SCGB2B2: variants seen among roughly 807,000 people sequenced by gnomAD.
The protein encoded by SCGB2B2 is secretoglobin family 2B member 2, also known as secretoglobin-like protein.
In SCGB2B2, 11 loss-of-function variants were observed where a neutral mutation model predicts 7.6. The ratio of observed to expected loss-of-function variants is 1.45; its 90% CI spans 0.91 to 2.40. The LOEUF is 2.40. Ranked by LOEUF, SCGB2B2 falls within the 30% of genes most tolerant of loss-of-function variation. The pLI, the probability that SCGB2B2 is intolerant of heterozygous loss-of-function variation, is 0.00. For synonymous variants in SCGB2B2, 50 were observed against 48.6 expected (o/e 1.03, Z -0.12); for missense variants, 104 against 115.4 (o/e 0.90, Z 0.45).
At chr19:34,586,026 G>A (rs905487694), downstream of SCGB2B2, among the ~76,000 whole-genome samples, 2 of 152,032 alleles carry the variant, frequency 1.3e-5, no homozygotes, top group African/African-American at 4.8e-5. Flanking sequence ...TATAATTTTT[G>A]TTTATGTCTA....
intron 1 of SCGB2B2, among the ~76,000 whole-genome samples, chr19:34,613,976 T>C (rs577458799): frequency 6.6e-6 from 1 of 152,234 alleles, no homozygotes; most frequent in Non-Finnish European, 1.5e-5. Context: ...AAAGTTTCTG[T>C]GAAGAAAATT....
intron 1 of SCGB2B2, among the ~76,000 whole-genome samples, chr19:34,666,435 C>T (rs762119192): frequency 1.3e-5 from 2 of 152,198 alleles, no homozygotes; most frequent in Non-Finnish European, 2.9e-5. Flanking sequence ...TACAATGTGA[C>T]AGGCCACTGG....
At chr19:34,628,634 C>T (rs1285408246) in intron 1 of SCGB2B2, among the ~76,000 whole-genome samples, 1 of 151,840 alleles carries the variant, frequency 6.6e-6, no homozygotes, top group East Asian at 1.9e-4. Flanking sequence ...AATAGCCTAC[C>T]AACCAAAAAA....
chr19:34,613,457 G>A (rs1444587995), intron 1 of SCGB2B2, among the ~76,000 whole-genome samples: 1 of 152,132 alleles, frequency 6.6e-6, no homozygotes, highest in East Asian at 1.9e-4. Context: ...TTTCTTGTAA[G>A]CAGCATATTT....
rs2065276620 is a variant in SCGB2B2, at chr19:34,590,661, G to T, written c.*2894C>A. On this transcript the variant is annotated 3_prime_UTR_variant, in exon 4 of 4. Coordinates refer to ENST00000601241, the MANE Select transcript of SCGB2B2 (RefSeq NM_001025591.4). Reference sequence around the variant, plus strand: ...ATTCAATATTCTATGAAACATACAAGTAGGGAATATAATTCCTTATACCAA... The same window carrying T: ...ATTCAATATTCTATGAAACATACAATTAGGGAATATAATTCCTTATACCAA... 6.6e-6 allele frequency among the ~76,000 whole-genome samples: 1 copy of T among 152,166 alleles called. No homozygotes were observed. The highest frequency in any genetic ancestry group is 2.1e-4 in the South Asian group (1 of 4,826).
intron 1 of SCGB2B2, among the ~76,000 whole-genome samples, chr19:34,599,453 G>C (rs1460591664): frequency 1.3e-5 from 2 of 152,222 alleles, no homozygotes; most frequent in African/African-American, 4.8e-5. Context: ...TCACAATCAC[G>C]GTGGAAGGTG....
At chr19:34,656,523 A>C (rs2067287585) in intron 1 of SCGB2B2, among the ~76,000 whole-genome samples, 1 of 151,274 alleles carries the variant, frequency 6.6e-6, no homozygotes, top group African/African-American at 2.5e-5. Context: ...GGATCGCTTA[A>C]GCCCAGGAGG....
chr19:34,627,249 C>T (rs2066404533), intron 1 of SCGB2B2, among the ~76,000 whole-genome samples: 1 of 152,184 alleles, frequency 6.6e-6, no homozygotes, highest in African/African-American at 2.4e-5. Context: ...GTCAAATTCA[C>T]ACATAACAAT....
chr19:34,629,048 G>A (rs1265729861), intron 1 of SCGB2B2, among the ~76,000 whole-genome samples: 1 of 151,800 alleles, frequency 6.6e-6, no homozygotes, highest in Non-Finnish European at 1.5e-5. Flanking sequence ...ATGCAGAAAA[G>A]GCCTTCAACA....
chr19:34,661,677 G>A (rs2067461215), intron 1 of SCGB2B2, among the ~76,000 whole-genome samples: 1 of 152,182 alleles, frequency 6.6e-6, no homozygotes, highest in Non-Finnish European at 1.5e-5. Flanking sequence ...GTTGACAAAA[G>A]GGACACTGAG....
downstream of SCGB2B2, among the ~76,000 whole-genome samples, chr19:34,585,859 T>C (rs1014728592): frequency 2.0e-5 from 3 of 152,256 alleles, no homozygotes; most frequent in African/African-American, 7.2e-5. Flanking sequence ...ATAGTGATGG[T>C]ATCTGCAGAA....
At chr19:34,616,709 T>G (rs1346426887) in intron 1 of SCGB2B2, among the ~76,000 whole-genome samples, 4 of 147,746 alleles carry the variant, frequency 2.7e-5, no homozygotes, top group Non-Finnish European at 6.0e-5. Context: ...ATTTGTCAAT[T>G]TTGGCTTTTG....
intron 1 of SCGB2B2, among the ~76,000 whole-genome samples, chr19:34,610,521 A>C (rs981694544): frequency 1.1e-4 from 16 of 152,146 alleles, no homozygotes; most frequent in Non-Finnish European, 1.9e-4. Flanking sequence ...ATAATGAAGC[A>C]TTGTTGACTT....
intron 1 of SCGB2B2, among the ~76,000 whole-genome samples, chr19:34,605,397 T>G (rs1316307776): frequency 1.3e-5 from 2 of 152,202 alleles, no homozygotes; most frequent in Non-Finnish European, 2.9e-5. Flanking sequence ...TGCTGTGCTT[T>G]TGTAGTCAGA....
chr19:34,622,654 G>T (rs888136829), intron 1 of SCGB2B2, among the ~76,000 whole-genome samples: 1 of 152,182 alleles, frequency 6.6e-6, no homozygotes, highest in African/African-American at 2.4e-5. Context: ...GAGAGCCTCA[G>T]TGTCTTCCTG....
chr19:34,593,552 A>C lies in SCGB2B2; in HGVS notation c.*3T>G. On this transcript the variant is annotated 3_prime_UTR_variant, in exon 4 of 4. Transcript: ENST00000601241. ...CAATATCTGATCTGCAGGGGTCCTC[A>C]GATCAGAAGGCTGCTTCTATGCAAT... The C allele has an allele frequency of 6.4e-7, 1 of 1,552,022 alleles. No homozygotes were observed. Among genetic ancestry groups the C allele is most frequent in the Non-Finnish European group, 8.7e-7 (1 of 1,146,968 alleles).
chr19:34,593,727 C>A lies in SCGB2B2; in HGVS notation c.247-128G>T, dbSNP rs2065360025. On this transcript the variant is annotated intron_variant, in intron 3 of 3. Coordinates refer to ENST00000601241, the MANE Select transcript of SCGB2B2 (RefSeq NM_001025591.4). ...GTGTCTGCTTGTTGGGGATCCCAGGCTCTGGACAAAGATGGTGGATGTGGG... is the reference window on the plus strand; with the variant it reads ...GTGTCTGCTTGTTGGGGATCCCAGGATCTGGACAAAGATGGTGGATGTGGG... 5 of 715,654 alleles carry A rather than the reference C, an allele frequency of 7.0e-6. No individual in the cohort carries two copies. The Admixed American group carries it at 9.5e-5, about 14-fold the overall frequency. 44.3% of individuals were successfully genotyped at this position (715,654 alleles called of 1,614,324 possible). A position where few individuals can be genotyped will look rare whatever the true frequency, so the allele number is the denominator to read the frequency against.
At chr19:34,622,904 G>A (rs958970000) in intron 1 of SCGB2B2, among the ~76,000 whole-genome samples, 1 of 128,106 alleles carries the variant, frequency 7.8e-6, no homozygotes, top group Non-Finnish European at 1.6e-5. Context: ...AAAGGCTGAG[G>A]GGTTTTCATC....
At chr19:34,644,065 G>C (rs1191189964) in intron 1 of SCGB2B2, among the ~76,000 whole-genome samples, 1 of 152,188 alleles carries the variant, frequency 6.6e-6, no homozygotes, top group African/African-American at 2.4e-5. Flanking sequence ...TGTGATTTAT[G>C]ATTTGTGATT....
Sources: allele counts gnomAD v4.1 joint callset (sites outside exome capture counted in the v4.1 genomes callset), GRCh38; gene constraint gnomAD v4.1.1; transcripts MANE v1.5; gene names NCBI Gene and HGNC (gene_info 2026-07-23, HGNC 2026-07-21).